SUN3: variants seen among roughly 807,000 people sequenced by gnomAD.
The protein encoded by SUN3 is SUN domain-containing protein 3.
SUN3 carries 36 observed loss-of-function variants against 48.2 expected under a neutral mutation model. The observed-to-expected ratio is 0.75, with a 90% CI of 0.57 to 0.99. SUN3 has a LOEUF of 0.99. Among genes scored for constraint, SUN3 ranks in the 50% least tolerant of loss-of-function variants. The pLI, the probability that SUN3 is intolerant of heterozygous loss-of-function variation, is 0.00. For synonymous variants in SUN3, 148 were observed against 147.9 expected (o/e 1.00, Z 0.00); for missense variants, 419 against 433.1 (o/e 0.97, Z 0.29).
At chr7:48,002,151 C>CTTTTTTTTTTTTTTTTTT (rs71006541) in intron 6 of SUN3, among the ~76,000 whole-genome samples, 1 of 64,136 alleles carries the variant, frequency 1.6e-5, no homozygotes, top group African/African-American at 1.0e-4. Context: ...TTGCATTTCT[C>CTTTTTTTTTTTTTTTTTT]TTTTTTTTTT....
In SUN3 at chr7:47,987,214, CTT is replaced by C; in HGVS notation, c.*114_*115del. The C allele has an allele frequency of 2.7e-6, 3 of 1,109,436 alleles. No homozygotes were observed. The highest frequency in any genetic ancestry group is 3.7e-6 in the Non-Finnish European group (3 of 817,602). 68.7% of individuals were successfully genotyped at this position (1,109,436 alleles called of 1,614,324 possible). ...ACTTTTTACAGGCAAGTATGAACCA[CTT>C]TGAGGTTTTCTTCCCACTCCCAATT... is the stretch of plus-strand genomic sequence containing the variant. On this transcript the variant is annotated 3_prime_UTR_variant, in exon 10 of 10. Coordinates refer to ENST00000297325, the MANE Select transcript of SUN3 (RefSeq NM_001030019.2).
At chr7:48,014,108 G>A (rs1479463336) in intron 3 of SUN3, among the ~76,000 whole-genome samples, 1 of 152,120 alleles carries the variant, frequency 6.6e-6, no homozygotes. Context: ...TGGTACTACA[G>A]GCATATTCCA....
chr7:48,020,000 A>AAT (rs1789946321), intron 2 of SUN3, among the ~76,000 whole-genome samples: 4 of 146,398 alleles, frequency 2.7e-5, no homozygotes, highest in African/African-American at 7.7e-5. Flanking sequence ...AAAAAAAAAA[A>AAT]AGAAAGAAAG....
At position 48,012,872 on chromosome 7, in the gene SUN3, C is replaced by A. The variant is rs112858363; in HGVS notation, c.289-3797G>T. Among the ~76,000 whole-genome samples, 454 of 152,210 alleles carry A rather than the reference C, an allele frequency of 3.0e-3. 7 individuals are homozygous for A. Among genetic ancestry groups the A allele is most frequent in the African/African-American group, 0.01 (423 of 41,520 alleles). ...GGATTAGTGCTTTTAATAAAAAGCT[C>A]GAAGGAAGTAGTTTAGGCCCTTTTC... On this transcript the variant is annotated intron_variant, in intron 3 of 9. Transcript: ENST00000297325.
chr7:48,027,710 A>C (rs1790173640), intron 1 of SUN3, among the ~76,000 whole-genome samples: 1 of 152,236 alleles, frequency 6.6e-6, no homozygotes, highest in East Asian at 1.9e-4. Context: ...TACATAAAGC[A>C]GTCATACCTA....
upstream of SUN3, among the ~76,000 whole-genome samples, chr7:48,031,604 T>G (rs745909034): frequency 5.9e-5 from 9 of 152,210 alleles, no homozygotes; most frequent in Non-Finnish European, 1.2e-4. Context: ...TGGTGGGATG[T>G]AAATTGGTAT....
chr7:48,010,225 C>A (rs1194000798), intron 3 of SUN3, among the ~76,000 whole-genome samples: 1 of 152,068 alleles, frequency 6.6e-6, no homozygotes, highest in Non-Finnish European at 1.5e-5. Context: ...TGGAGAAGGT[C>A]AATAATATTA....
upstream of SUN3, among the ~76,000 whole-genome samples, chr7:48,034,040 C>T (rs1790287595): frequency 6.6e-6 from 1 of 152,290 alleles, no homozygotes; most frequent in African/African-American, 2.4e-5. Context: ...GGCGACAGAG[C>T]AAGAGCAAGG....
chr7:48,033,548 C>CA (rs1310183133), upstream of SUN3, among the ~76,000 whole-genome samples: 3 of 151,952 alleles, frequency 2.0e-5, 1 homozygote, highest in Non-Finnish European at 4.4e-5. Context: ...GATGACAGAG[C>CA]AATATCCTGT....
At chr7:48,002,540 T>A (rs1371029360) in intron 6 of SUN3, among the ~76,000 whole-genome samples, 1 of 152,190 alleles carries the variant, frequency 6.6e-6, no homozygotes, top group Non-Finnish European at 1.5e-5. Flanking sequence ...TCTTTTTAAG[T>A]GTCTGTTCAT....
chr7:48,017,208 T>C lies in SUN3; in HGVS notation c.288+54A>G, dbSNP rs1346993174. On this transcript the variant is annotated intron_variant, in intron 3 of 9. Transcript: ENST00000297325. ...CATATTGAAAGTTGAACTAGCCTTG[T>C]AGCATATTAAACTTTAAATGAGTGA... 11 of 877,930 alleles carry C rather than the reference T, an allele frequency of 1.3e-5. No homozygotes were observed. In the Admixed American group the frequency reaches 2.6e-4, roughly 21 times the overall value. 54.4% of individuals were successfully genotyped at this position (877,930 alleles called of 1,614,324 possible).
At chr7:48,006,116 A>G (rs1789519170) in intron 5 of SUN3, 63 bp from the exon 6 acceptor site, 2 of 1,200,882 alleles carry the variant, frequency 1.7e-6, no homozygotes, top group South Asian at 1.3e-5. Context: ...AGTTTTGACC[A>G]TTCATTTTAT....
At chr7:47,987,578 G>A in intron 9 of SUN3, 129 bp from the exon 10 acceptor site, 1 of 892,864 alleles carries the variant, frequency 1.1e-6, no homozygotes. Context: ...CTGTCACACA[G>A]GCTGGAATGC....
rs866078716 is a variant in SUN3, at chr7:48,007,196, C to T, written c.461G>A (p.Gly154Glu). The change falls in exon 5 of 10, where the codon GGA (glycine) becomes GAA (glutamate). Residue 154 changes from glycine (G) to glutamate (E), a missense_variant. By Grantham distance (98) the Gly-to-Glu change is moderately conservative. Coordinates refer to ENST00000297325, the MANE Select transcript of SUN3 (RefSeq NM_001030019.2). ...MDNNHNWNTH[G>E]DPVEDPDHTE... ...GTGGTCCGGGTCCTCCACAGGGTCTCCATGGGTGTTCCAGTTGTGATTATT... is the reference window on the plus strand; with the variant it reads ...GTGGTCCGGGTCCTCCACAGGGTCTTCATGGGTGTTCCAGTTGTGATTATT... 6.2e-7 allele frequency: 1 copy of T among 1,613,918 alleles called. No homozygotes were observed. The highest frequency in any genetic ancestry group is 8.5e-7 in the Non-Finnish European group (1 of 1,179,882).
intron 3 of SUN3, among the ~76,000 whole-genome samples, chr7:48,014,506 A>G (rs1270709409): frequency 4.6e-5 from 7 of 152,218 alleles, no homozygotes; most frequent in Admixed American, 6.5e-5. Context: ...AAAATAAAGC[A>G]GGGGTAAAAA....
At position 48,029,061 on chromosome 7, in the gene SUN3, T is replaced by C; in HGVS notation, c.-123A>G. On this transcript the variant is annotated 5_prime_UTR_variant, in exon 1 of 10. Transcript: ENST00000297325. The stretch of plus-strand genomic sequence containing the variant: ...AAATTTGTTTTGTATAATGTCTTCT[T>C]CCTCCACGGGTGTTTCTTCTTGAAG... 1 of 1,381,762 alleles carries C rather than the reference T, an allele frequency of 7.2e-7. No homozygotes were observed. Among genetic ancestry groups the C allele is most frequent in the Non-Finnish European group, 9.9e-7 (1 of 1,014,832 alleles). The allele number at this position is 1,381,762 out of a possible 1,614,324, so 85.6% of individuals were successfully genotyped here. A position where few individuals can be genotyped will look rare whatever the true frequency, so the allele number is the denominator to read the frequency against.
rs144497118 is a variant in SUN3 at position 48,005,745 on chromosome 7, A to G, written c.577+224T>C. 3.6e-3 allele frequency among the ~76,000 whole-genome samples: 541 copies of G among 152,068 alleles called. 2 individuals are homozygous for G. The highest frequency in any genetic ancestry group is 0.02 in the Middle Eastern group (6 of 294). Reference sequence around the variant, plus strand: ...CTTTCTTGGTGGTTCTTTTAGATGCATGTTAATGAAGTTGCACAGGCTTTT... The same window carrying G: ...CTTTCTTGGTGGTTCTTTTAGATGCGTGTTAATGAAGTTGCACAGGCTTTT... On this transcript the variant is annotated intron_variant, in intron 6 of 9. Transcript: ENST00000297325.
intron 9 of SUN3, 93 bp downstream of exon 9, chr7:47,988,692 CATA>C: frequency 1.4e-6 from 1 of 690,598 alleles, no homozygotes; most frequent in Non-Finnish European, 2.4e-6. Flanking sequence ...ACGCTTTTGT[CATA>C]ATTATTCTCA....
At chr7:48,032,708 G>A (rs1790270271), upstream of SUN3, among the ~76,000 whole-genome samples, 1 of 152,256 alleles carries the variant, frequency 6.6e-6, no homozygotes, top group Non-Finnish European at 1.5e-5. Flanking sequence ...AGACTATGTT[G>A]TATGTTCTAG....
Sources: gnomAD v4.1 joint callset for allele counts (sites outside exome capture counted in the v4.1 genomes callset) on GRCh38, gnomAD v4.1.1 for gene constraint, MANE v1.5 for transcripts, NCBI Gene and HGNC (gene_info 2026-07-23, HGNC 2026-07-21) for gene names.